Variants in TAF1A observed in about 807,000 individuals in gnomAD.
TAF1A encodes TATA-box binding protein associated factor, RNA polymerase I subunit A.
A neutral mutation model predicts 61.6 loss-of-function variants in TAF1A; 42 were observed. The ratio of observed to expected loss-of-function variants is 0.68; its 90% CI spans 0.53 to 0.88. TAF1A has a LOEUF of 0.88. Ranked by LOEUF, TAF1A falls within the 40% of genes least tolerant of loss-of-function variation. The pLI, the probability that TAF1A is intolerant of heterozygous loss-of-function variation, is 0.00. For missense variants in TAF1A, 424 were observed against 518.7 expected, an observed-to-expected ratio of 0.82 and a Z score of 1.77; for synonymous variants, 179 against 177.7, an observed-to-expected ratio of 1.01 and a Z score of -0.06.
chr1:222,562,970 AAAAAAATTGATAGAATTTT>A (rs1440883701), intron 9 of TAF1A, among the ~76,000 whole-genome samples, 184 bp downstream of exon 9: 1 of 152,168 alleles, frequency 6.6e-6, no homozygotes, highest in Non-Finnish European at 1.5e-5. Flanking sequence ...TTGATGGCAT[AAAAAAATTGATAGAATTTT>A]TGTATGTTCT....
chr1:222,561,380 A>T lies in TAF1A; in HGVS notation c.1224T>A (p.Gly408=). Residue 408 remains glycine, a synonymous_variant, in exon 10 of 11, where the codon GGT becomes GGA. Coordinates refer to ENST00000352967, the MANE Select transcript of TAF1A (RefSeq NM_005681.4). ...AAACTGTACCTTTTCCTAACAGTAA[A>T]CCAGCCACAAAAGCTTTCTCACAGG... is the stretch of plus-strand genomic sequence containing the variant. ...ALACEKAFVA[G]LLLGKGCRYF... 1.3e-6 allele frequency: 2 copies of T among 1,585,272 alleles called. No homozygotes were observed. The highest frequency in any genetic ancestry group is 1.7e-6 in the Non-Finnish European group (2 of 1,169,502).
downstream of TAF1A, among the ~76,000 whole-genome samples, chr1:222,555,781 AT>A (rs1334774155): frequency 6.6e-6 from 1 of 152,230 alleles, no homozygotes; most frequent in African/African-American, 2.4e-5. Context: ...TAGCTTGATT[AT>A]AGTGATAATT....
chr1:222,580,016 G>T, intron 3 of TAF1A, 144 bp from the exon 4 acceptor site: 1 of 947,970 alleles, frequency 1.1e-6, no homozygotes, highest in Non-Finnish European at 1.5e-6. Context: ...ACTCTACTTT[G>T]CCATGTAAAA....
chr1:222,563,255 C>T lies in TAF1A; in HGVS notation c.1003G>A (p.Gly335Arg). 1 of 1,612,874 alleles carries T rather than the reference C, an allele frequency of 6.2e-7. No individual in the cohort carries two copies. Among genetic ancestry groups the T allele is most frequent in the South Asian group, 1.1e-5 (1 of 90,912 alleles). ...HRKLGLEVLF[G>R]VLDFAGCTKN... ...GTGCATCCGGCAAAATCTAAGACTC[C>T]AAATAATACCTCCAACCCCAGTTTA... Residue 335 changes from glycine (G) to arginine (R), a missense_variant, in exon 9 of 11, where the codon GGA becomes AGA. By Grantham distance (125) the Gly-to-Arg change is moderately radical. Transcript: ENST00000352967.
chr1:222,577,880 A>T (rs1260951026), intron 4 of TAF1A, among the ~76,000 whole-genome samples: 1 of 152,222 alleles, frequency 6.6e-6, no homozygotes, highest in African/African-American at 2.4e-5. Context: ...AGTGTGATAT[A>T]GTGGGGAAAA....
chr1:222,565,202 TC>T (rs1660068296), intron 7 of TAF1A, among the ~76,000 whole-genome samples: 2 of 152,226 alleles, frequency 1.3e-5, no homozygotes, highest in South Asian at 2.1e-4. Flanking sequence ...TTTGCCCTGT[TC>T]TATTCAGAGG....
At chr1:222,566,386 C>T (rs959194239) in intron 7 of TAF1A, among the ~76,000 whole-genome samples, 1 of 152,100 alleles carries the variant, frequency 6.6e-6, no homozygotes, top group African/African-American at 2.4e-5. Context: ...AGGATGGTTT[C>T]GGGATTGCAT....
chr1:222,589,842 C>G lies in TAF1A; in HGVS notation c.-118G>C, dbSNP rs1661184635. On this transcript the variant is annotated 5_prime_UTR_variant, in exon 1 of 11. Transcript: ENST00000352967. ...GAGCTTTATATGAGCAGGCGCTAAA[C>G]CTGGTTTAGGTATTTAGGCAGCGCG... is the stretch of plus-strand genomic sequence containing the variant. The G allele has an allele frequency of 2.6e-6, 1 of 387,702 alleles. No homozygotes were observed. Among genetic ancestry groups the G allele is most frequent in the African/African-American group, 2.1e-5 (1 of 48,406 alleles). 24.0% of individuals were successfully genotyped at this position (387,702 alleles called of 1,614,324 possible).
chr1:222,582,679 A>G (rs954779508), intron 3 of TAF1A, among the ~76,000 whole-genome samples: 1 of 152,226 alleles, frequency 6.6e-6, no homozygotes, highest in Non-Finnish European at 1.5e-5. Flanking sequence ...AATAACCGAA[A>G]AGCAAAAACA....
At chr1:222,557,529 C>T (rs1482434567), downstream of TAF1A, among the ~76,000 whole-genome samples, 1 of 152,190 alleles carries the variant, frequency 6.6e-6, no homozygotes, top group African/African-American at 2.4e-5. Context: ...CAGCTCACTG[C>T]AGCCTCCGCT....
intron 6 of TAF1A, 121 bp from the exon 7 acceptor site, chr1:222,569,789 C>T: frequency 7.0e-6 from 6 of 854,108 alleles, no homozygotes; most frequent in Non-Finnish European, 1.0e-5. Flanking sequence ...ACAGGGTTCC[C>T]ATTTTTTCCC....
chr1:222,557,516 T>C (rs1365945568), downstream of TAF1A, among the ~76,000 whole-genome samples: 1 of 152,132 alleles, frequency 6.6e-6, no homozygotes, highest in East Asian at 1.9e-4. Context: ...AGTGACATGA[T>C]CTCAGCTCAC....
intron 7 of TAF1A, 130 bp from the exon 8 acceptor site, chr1:222,564,255 A>G: frequency 2.6e-6 from 1 of 388,174 alleles, no homozygotes; most frequent in Non-Finnish European, 4.7e-6. Flanking sequence ...TTTTAAAAAT[A>G]CCCTGGCTCT....
chr1:222,556,205 TG>T (rs901254401), downstream of TAF1A, among the ~76,000 whole-genome samples: 1 of 152,100 alleles, frequency 6.6e-6, no homozygotes, highest in African/African-American at 2.4e-5. Flanking sequence ...GCAAGCGATG[TG>T]GGGGTGCCCT....
At chr1:222,565,972 G>T (rs756531982) in intron 7 of TAF1A, among the ~76,000 whole-genome samples, 3 of 152,168 alleles carry the variant, frequency 2.0e-5, no homozygotes, top group Non-Finnish European at 4.4e-5. Context: ...TTTTGATCAC[G>T]AAAGTATAAA....
At chr1:222,563,322 T>C in intron 8 of TAF1A, 26 bp from the exon 9 acceptor site, 1 of 1,608,172 alleles carries the variant, frequency 6.2e-7, no homozygotes, top group Non-Finnish European at 8.5e-7. Flanking sequence ...CAGTTCAAGT[T>C]TACATAAGGT....
Position 222,561,370 on chromosome 1 carries a change from C to G in TAF1A, c.1234G>C (p.Gly412Arg). 1 of 1,600,560 alleles carries G rather than the reference C, an allele frequency of 6.2e-7. No homozygotes were observed. Among genetic ancestry groups the G allele is most frequent in the Non-Finnish European group, 8.5e-7 (1 of 1,176,020 alleles). The change falls in exon 10 of 11, where the codon GGA becomes CGA. Residue 412 changes from glycine (G) to arginine (R), a missense_variant. Transcript: ENST00000352967. ...ACGAAAATAAAAACTGTACCTTTTCCTAACAGTAAACCAGCCACAAAAGCT... is the reference window on the plus strand; with the variant it reads ...ACGAAAATAAAAACTGTACCTTTTCGTAACAGTAAACCAGCCACAAAAGCT... ...EKAFVAGLLL[G>R]KGCRYFRYIL...
chr1:222,571,985 T>C (rs1290352019), intron 5 of TAF1A, among the ~76,000 whole-genome samples: 5 of 152,040 alleles, frequency 3.3e-5, no homozygotes, highest in Non-Finnish European at 5.9e-5. Context: ...GGGAGGCCGA[T>C]GTGGGTGGAT....
intron 3 of TAF1A, among the ~76,000 whole-genome samples, chr1:222,581,149 G>T (rs1660775054): frequency 6.6e-6 from 1 of 152,178 alleles, no homozygotes. Context: ...ATAGACAGGG[G>T]TGGAGTAAAG....
Sources: allele counts gnomAD v4.1 joint callset (sites outside exome capture counted in the v4.1 genomes callset), GRCh38; gene constraint gnomAD v4.1.1; transcripts MANE v1.5; gene names NCBI Gene and HGNC (gene_info 2026-07-23, HGNC 2026-07-21).